EAF2: variants seen among roughly 807,000 people sequenced by gnomAD.
EAF2 encodes ELL associated factor 2.
EAF2 carries 29 observed loss-of-function variants against 29.4 expected under a neutral mutation model. That is an observed-to-expected ratio of 0.99 (90% CI 0.73 to 1.35). EAF2 has a LOEUF of 1.35. Ranked by LOEUF, EAF2 falls within the 40% of genes most tolerant of loss-of-function variation. The pLI, the probability that EAF2 is intolerant of heterozygous loss-of-function variation, is 0.00. For synonymous variants in EAF2, 103 were observed against 102.5 expected, an observed-to-expected ratio of 1.00 and a Z score of -0.03; for missense variants, 292 against 312.0, an observed-to-expected ratio of 0.94 and a Z score of 0.48.
Position 121,854,826 on chromosome 3 carries a change from A to G in EAF2, c.338+3A>G. On this transcript the variant is annotated splice_donor_region_variant and intron_variant, in intron 3 of 5. Transcript: ENST00000273668. ...AACATCACTGTAAAAAAAACAAGGT[A>G]TGTGGTTTAATGAAATAAATTATAT... is the stretch of plus-strand genomic sequence containing the variant. 1.3e-6 allele frequency: 2 copies of G among 1,547,802 alleles called. No homozygotes were observed. Among genetic ancestry groups the G allele is most frequent in the East Asian group, 2.4e-5 (1 of 41,848 alleles).
chr3:121,865,833 A>G (rs1403962882), intron 4 of EAF2, among the ~76,000 whole-genome samples: 1 of 152,112 alleles, frequency 6.6e-6, no homozygotes, highest in East Asian at 1.9e-4. Flanking sequence ...CCCTTCCTCC[A>G]TCAGAGACAC....
intron 1 of EAF2, 119 bp downstream of exon 1, chr3:121,835,510 G>A: frequency 4.5e-6 from 4 of 881,286 alleles, no homozygotes; most frequent in Non-Finnish European, 1.8e-6. Context: ...CTACGGGGCG[G>A]GGAGGGGGGA....
At chr3:121,836,606 C>G in intron 1 of EAF2, 2 of 982,626 alleles carry the variant, frequency 2.0e-6, no homozygotes, top group Non-Finnish European at 2.4e-6. Context: ...CAACAGTGTC[C>G]CTTGTTTATT....
chr3:121,861,774 T>G (rs1007340324), intron 4 of EAF2, among the ~76,000 whole-genome samples: 3 of 152,254 alleles, frequency 2.0e-5, no homozygotes, highest in Non-Finnish European at 2.9e-5. Context: ...ATCAATGGTC[T>G]TTACAATTTG....
chr3:121,865,575 C>CTCTATCTTATCTTA (rs1708909214), intron 4 of EAF2, among the ~76,000 whole-genome samples: 1 of 151,984 alleles, frequency 6.6e-6, no homozygotes, highest in Non-Finnish European at 1.5e-5. Context: ...GGTGCAGTGG[C>CTCTATCTTATCTTA]TTACACCTGT....
intron 2 of EAF2, among the ~76,000 whole-genome samples, chr3:121,853,510 G>A (rs1412162778): frequency 6.6e-6 from 1 of 152,076 alleles, no homozygotes; most frequent in Non-Finnish European, 1.5e-5. Context: ...TCACACTGAA[G>A]CCTAGAACTC....
intron 2 of EAF2, among the ~76,000 whole-genome samples, chr3:121,852,208 A>G (rs769477382): frequency 4.6e-5 from 7 of 152,228 alleles, no homozygotes; most frequent in Non-Finnish European, 2.9e-5. Flanking sequence ...GAGAACAATA[A>G]TACATTGTAA....
chr3:121,865,019 A>C (rs1397335864), intron 4 of EAF2, among the ~76,000 whole-genome samples: 2 of 152,174 alleles, frequency 1.3e-5, no homozygotes, highest in African/African-American at 4.8e-5. Flanking sequence ...TCTCAACAAT[A>C]ATTTTACAGT....
chr3:121,873,060 A>G, intron 5 of EAF2: 1 of 700,768 alleles, frequency 1.4e-6, no homozygotes, highest in Non-Finnish European at 2.6e-6. Flanking sequence ...GAGTTTCTCA[A>G]GGCTTACTTT....
intron 5 of EAF2, among the ~76,000 whole-genome samples, chr3:121,875,588 G>A (rs536345685): frequency 8.6e-5 from 13 of 152,016 alleles, no homozygotes; most frequent in African/African-American, 3.1e-4. Context: ...AAGAAAGTCA[G>A]CCAACAAAAT....
At chr3:121,880,600 T>G (rs1249494358) in intron 5 of EAF2, among the ~76,000 whole-genome samples, 1 of 152,140 alleles carries the variant, frequency 6.6e-6, no homozygotes, top group African/African-American at 2.4e-5. Flanking sequence ...TTTACTGAAA[T>G]TGTTTATCAA....
At chr3:121,855,284 A>C (rs1708700120) in intron 3 of EAF2, among the ~76,000 whole-genome samples, 1 of 152,206 alleles carries the variant, frequency 6.6e-6, no homozygotes, top group African/African-American at 2.4e-5. Context: ...GAATATACCC[A>C]TCTCAAATCC....
intron 4 of EAF2, among the ~76,000 whole-genome samples, chr3:121,869,714 A>C (rs988119789): frequency 6.6e-6 from 1 of 151,978 alleles, no homozygotes; most frequent in African/African-American, 2.4e-5. Flanking sequence ...ACAAAAAAAA[A>C]AATTTTTTTT....
intron 4 of EAF2, among the ~76,000 whole-genome samples, chr3:121,868,772 C>T (rs1170251081): frequency 6.6e-6 from 1 of 152,126 alleles, no homozygotes; most frequent in African/African-American, 2.4e-5. Context: ...ACAATTATGC[C>T]TGGGTATTTC....
At position 121,854,721 on chromosome 3, in the gene EAF2, CA is replaced by C; in HGVS notation, c.243del (p.Lys81AsnfsTer4). 11 of 1,559,708 alleles carry C rather than the reference CA, an allele frequency of 7.1e-6. No homozygotes were observed. The highest frequency in any genetic ancestry group is 6.9e-5 in the Admixed American group (3 of 43,394). ...STPPVTVFKG[S>X]KKPYLKECIL... ...CCACCAGTAACTGTTTTCAAAGGTT[CA>C]AAAAAACCTTACTTAAAAGAATGCA... On this transcript the variant is annotated frameshift_variant, in exon 3 of 6. Transcript: ENST00000273668. LOFTEE classifies it high-confidence loss of function.
Position 121,844,523 on chromosome 3 carries a change from G to A in EAF2, c.177G>A (p.Val59=). 1 of 1,609,164 alleles carries A rather than the reference G, an allele frequency of 6.2e-7. No homozygotes were observed. The highest frequency in any genetic ancestry group is 1.3e-5 in the African/African-American group (1 of 74,872). Residue 59 remains valine, a synonymous_variant, in exon 2 of 6, where the codon GTG becomes GTA. Transcript: ENST00000273668. ...TTGAGGTTGGTGAAGGTGAACAGGT[G>A]ACCATAACTCTGCCAAATATAGAAG... The part of the protein sequence containing the change: ...GYLEVGEGEQ[V]TITLPNIEGS...
At chr3:121,841,810 C>G (rs1404499021) in intron 1 of EAF2, among the ~76,000 whole-genome samples, 1 of 151,852 alleles carries the variant, frequency 6.6e-6, no homozygotes, top group Non-Finnish European at 1.5e-5. Flanking sequence ...GAGTTCGAGA[C>G]CAGCCTGACC....
intron 5 of EAF2, 83 bp downstream of exon 5, chr3:121,872,871 A>C (rs1709040881): frequency 6.6e-7 from 1 of 1,516,188 alleles, no homozygotes; most frequent in Admixed American, 2.2e-5. Flanking sequence ...ATTTGGATAA[A>C]GAAAAAGATT....
intron 2 of EAF2, 95 bp from the exon 3 acceptor site, chr3:121,854,592 C>T (rs1708686175): frequency 1.9e-6 from 2 of 1,056,116 alleles, no homozygotes; most frequent in African/African-American, 3.4e-5. Context: ...TGAAGTATAA[C>T]ATAGAAGGAG....
Sources: gnomAD v4.1 joint callset for allele counts (sites outside exome capture counted in the v4.1 genomes callset) on GRCh38, gnomAD v4.1.1 for gene constraint, MANE v1.5 for transcripts, NCBI Gene and HGNC (gene_info 2026-07-23, HGNC 2026-07-21) for gene names.